STAG1: variants seen among roughly 807,000 people sequenced by gnomAD.
The protein encoded by STAG1 is STAG1 cohesin complex component, also known as cohesin subunit SA-1.
STAG1 carries 26 observed loss-of-function variants against 170.9 expected under a neutral mutation model. That is an observed-to-expected ratio of 0.15 (90% CI 0.11 to 0.21). The LOEUF (loss-of-function observed/expected upper bound fraction) is 0.21, where lower values mean the gene tolerates loss of function less well. Among genes scored for constraint, STAG1 ranks in the 10% least tolerant of loss-of-function variants. The pLI, the probability that STAG1 is intolerant of heterozygous loss-of-function variation, is 1.00. For synonymous variants in STAG1, 514 were observed against 497.7 expected (o/e 1.03, Z -0.44); for missense variants, 964 against 1,509.5 (o/e 0.64, Z 5.99).
chr3:136,690,702 A>C (rs999516642), intron 1 of STAG1, among the ~76,000 whole-genome samples: 2 of 152,156 alleles, frequency 1.3e-5, no homozygotes, highest in African/African-American at 4.8e-5. Context: ...TACATCAAGA[A>C]GAGTTCTGTG....
chr3:136,405,194 A>G (rs2087441938), intron 21 of STAG1, among the ~76,000 whole-genome samples: 1 of 149,958 alleles, frequency 6.7e-6, no homozygotes, highest in Non-Finnish European at 1.5e-5. Context: ...CAAAGAGGAT[A>G]TAAGGCTGGC....
At chr3:136,523,413 G>GCTGT (rs1553739315) in intron 6 of STAG1, among the ~76,000 whole-genome samples, 2 of 151,470 alleles carry the variant, frequency 1.3e-5, no homozygotes, top group Non-Finnish European at 1.5e-5. Flanking sequence ...TGTTGATGGG[G>GCTGT]TTGTTTTCTT....
chr3:136,519,942 A>T (rs1024572485), intron 7 of STAG1, among the ~76,000 whole-genome samples: 2 of 152,118 alleles, frequency 1.3e-5, no homozygotes, highest in African/African-American at 4.8e-5. Context: ...CTTCCTAATA[A>T]TGAGAAAAGA....
At chr3:136,627,184 C>T (rs1940143091) in intron 2 of STAG1, among the ~76,000 whole-genome samples, 1 of 152,140 alleles carries the variant, frequency 6.6e-6, no homozygotes, top group African/African-American at 2.4e-5. Flanking sequence ...CAACAAACAG[C>T]TAATGCACTG....
At chr3:136,558,701 C>G (rs1412886037) in intron 5 of STAG1, among the ~76,000 whole-genome samples, 1 of 152,210 alleles carries the variant, frequency 6.6e-6, no homozygotes, top group Non-Finnish European at 1.5e-5. Context: ...ACAACTACTT[C>G]AGAGAAATTT....
In STAG1 at chr3:136,459,951, G is replaced by C. The variant is rs763651500; in HGVS notation, c.1313+4930C>G. On this transcript the variant is annotated intron_variant, in intron 13 of 33. Transcript: ENST00000383202. Reference sequence around the variant, plus strand: ...AATAATGAAAGGTATCAAGGAACTAGAAGACCCACACAAAAACAACAACAA... The same window carrying C: ...AATAATGAAAGGTATCAAGGAACTACAAGACCCACACAAAAACAACAACAA... Among the ~76,000 whole-genome samples, 183 of 151,874 alleles carry C rather than the reference G, an allele frequency of 1.2e-3. 1 individual carries two copies. The highest frequency in any genetic ancestry group is 3.5e-4 in the Non-Finnish European group (24 of 67,976).
chr3:136,609,905 T>C (rs1939180195), intron 3 of STAG1, among the ~76,000 whole-genome samples: 1 of 152,144 alleles, frequency 6.6e-6, no homozygotes, highest in African/African-American at 2.4e-5. Context: ...TTACTTTTCA[T>C]ATCCTAAAAG....
intron 1 of STAG1, among the ~76,000 whole-genome samples, chr3:136,747,093 T>TAAAAAAAAAAAAAAA (rs71134408): frequency 1.7e-5 from 1 of 59,340 alleles, no homozygotes; most frequent in African/African-American, 8.3e-5. Context: ...TGAAACTGTC[T>TAAAAAAAAAAAAAAA]AAAAAAAAAA....
intron 16 of STAG1, among the ~76,000 whole-genome samples, chr3:136,424,578 C>T (rs568130352): frequency 6.6e-6 from 1 of 152,114 alleles, no homozygotes; most frequent in South Asian, 2.1e-4. Context: ...AGTGATCCGC[C>T]CACCTTGGCC....
intron 22 of STAG1, among the ~76,000 whole-genome samples, chr3:136,390,346 G>A (rs1443449208): frequency 6.6e-6 from 1 of 152,092 alleles, no homozygotes; most frequent in Admixed American, 6.5e-5. Context: ...TTCTGAATTT[G>A]GTATGAATAG....
chr3:136,748,433 G>C (rs1935061411), intron 1 of STAG1, among the ~76,000 whole-genome samples: 1 of 151,468 alleles, frequency 6.6e-6, no homozygotes, highest in Admixed American at 6.6e-5. Context: ...GTCTCACTCT[G>C]TCACCCAGGC....
chr3:136,643,976 CTTAA>C lies in STAG1; in HGVS notation c.-83-12999_-83-12996del, dbSNP rs1346631852. 2.6e-5 allele frequency among the ~76,000 whole-genome samples: 4 copies of C among 152,092 alleles called. No homozygotes were observed. In the East Asian group the frequency reaches 5.8e-4, roughly 22 times the overall value. ...CAATTTTGCACAACAAAGTTCGATA[CTTAA>C]TTTTTTTAATATTACACCCATTTCA... On this transcript the variant is annotated intron_variant, in intron 1 of 33. Transcript: ENST00000383202.
intron 1 of STAG1, among the ~76,000 whole-genome samples, chr3:136,697,005 G>T (rs76644790): frequency 0.012 from 1,882 of 152,250 alleles, 36 homozygotes; most frequent in African/African-American, 0.043. Context: ...GAATTTTACC[G>T]TATGTAAATT....
intron 16 of STAG1, among the ~76,000 whole-genome samples, chr3:136,428,669 C>A (rs967385180): frequency 2.0e-5 from 3 of 152,204 alleles, no homozygotes; most frequent in African/African-American, 7.2e-5. Flanking sequence ...CTAAAGCCAT[C>A]AAGCCCCCCA....
At chr3:136,673,432 T>C (rs572478093) in intron 1 of STAG1, among the ~76,000 whole-genome samples, 13 of 152,294 alleles carry the variant, frequency 8.5e-5, no homozygotes, top group African/African-American at 2.6e-4. Context: ...TGAGTACTAG[T>C]TGTAATATAA....
chr3:136,374,697 T>TA (rs1320694644), intron 23 of STAG1, among the ~76,000 whole-genome samples: 1 of 151,942 alleles, frequency 6.6e-6, no homozygotes, highest in Non-Finnish European at 1.5e-5. Flanking sequence ...GTTTAAAAGT[T>TA]AAAAAAATTA....
chr3:136,457,000 T>G (rs2089131158), intron 13 of STAG1, among the ~76,000 whole-genome samples: 1 of 152,158 alleles, frequency 6.6e-6, no homozygotes, highest in African/African-American at 2.4e-5. Context: ...TTATAAAAAA[T>G]GCCAAAAGGA....
At chr3:136,452,242 C>A in intron 13 of STAG1, 95 bp from the exon 14 acceptor site, 2 of 782,728 alleles carry the variant, frequency 2.6e-6, no homozygotes, top group Non-Finnish European at 4.4e-6. Flanking sequence ...ACAACAACAA[C>A]AACAAAAAGG....
intron 1 of STAG1, among the ~76,000 whole-genome samples, chr3:136,696,799 G>A (rs566147227): frequency 1.3e-5 from 2 of 152,094 alleles, no homozygotes; most frequent in Non-Finnish European, 2.9e-5. Context: ...AAATGATTCC[G>A]TATGTATGAC....
Sources: gnomAD v4.1 joint callset for allele counts (sites outside exome capture counted in the v4.1 genomes callset) on GRCh38, gnomAD v4.1.1 for gene constraint, MANE v1.5 for transcripts, NCBI Gene and HGNC (gene_info 2026-07-23, HGNC 2026-07-21) for gene names.